MALT1: variants seen among roughly 807,000 people sequenced by gnomAD.
MALT1 encodes mucosa-associated lymphoid tissue lymphoma translocation protein 1.
MALT1 carries 36 observed loss-of-function variants against 85.5 expected under a neutral mutation model. That is an observed-to-expected ratio of 0.42 (90% confidence interval 0.32 to 0.56). MALT1 has a LOEUF of 0.56. Among genes scored for constraint, MALT1 ranks in the 20% least tolerant of loss-of-function variants. MALT1 has a pLI of 0.10. For synonymous variants in MALT1, 359 were observed against 361.3 expected, an observed-to-expected ratio of 0.99 and a Z score of 0.07; for missense variants, 716 against 981.6, an observed-to-expected ratio of 0.73 and a Z score of 3.62.
At chr18:58,694,261 T>C (rs1234597062) in intron 2 of MALT1, among the ~76,000 whole-genome samples, 1 of 152,226 alleles carries the variant, frequency 6.6e-6, no homozygotes, top group African/African-American at 2.4e-5. Flanking sequence ...AGGTATACAA[T>C]AAATATTTAC....
In MALT1 at chr18:58,751,832, A is replaced by G. The variant is rs1043456494; in HGVS notation, c.*3990A>G. 1.3e-5 allele frequency: 2 copies of G among 152,254 alleles called. No homozygotes were observed. Among genetic ancestry groups the G allele is most frequent in the African/African-American group, 4.8e-5 (2 of 41,466 alleles). The allele number at this position is 152,254 out of a possible 1,614,324, so 9.4% of individuals were successfully genotyped here. A position where few individuals can be genotyped will look rare whatever the true frequency, so the allele number is the denominator to read the frequency against. ...ATTTTTAAAAATTAAAGTCACAATT[A>G]TAAATTGTATATTTCCTAATAAAAG... On this transcript the variant is annotated 3_prime_UTR_variant, in exon 17 of 17. Coordinates refer to ENST00000649217, the MANE Select transcript of MALT1 (RefSeq NM_006785.4).
Position 58,739,434 on chromosome 18 carries a change from T to C in MALT1, c.1604-2431T>C, listed in dbSNP as rs186764416. On this transcript the variant is annotated intron_variant, in intron 13 of 16. Transcript: ENST00000649217. ...ATGAGATGGAGGACAACCAAGATGG[T>C]TGATTTTATGTCAACTTTTGCCAGG... Among the ~76,000 whole-genome samples, 339 of 152,246 alleles carry C rather than the reference T, an allele frequency of 2.2e-3. 3 individuals carry two copies. Among genetic ancestry groups the C allele is most frequent in the Non-Finnish European group, 1.5e-3 (105 of 68,014 alleles).
intron 15 of MALT1, among the ~76,000 whole-genome samples, chr18:58,744,831 G>A (rs1287538802): frequency 6.6e-6 from 1 of 152,140 alleles, no homozygotes; most frequent in Non-Finnish European, 1.5e-5. Flanking sequence ...GGAAACAGTA[G>A]TTTTTAAGTC....
intron 14 of MALT1, 62 bp downstream of exon 14, chr18:58,742,076 C>A: frequency 7.7e-7 from 1 of 1,300,236 alleles, no homozygotes; most frequent in Non-Finnish European, 1.0e-6. Flanking sequence ...CATAAAGTTT[C>A]TTCTGAATAA....
chr18:58,701,899 C>T (rs1044338018), intron 4 of MALT1, among the ~76,000 whole-genome samples: 1 of 152,188 alleles, frequency 6.6e-6, no homozygotes, highest in African/African-American at 2.4e-5. Context: ...CAATAGCACT[C>T]AGTAGATGTT....
chr18:58,752,291 T>C lies in MALT1; in HGVS notation c.*4449T>C, dbSNP rs2055456637. The stretch of plus-strand genomic sequence containing the variant: ...ATATCTAGATAAAATCTGATGTATG[T>C]AATTTTACTTTTAAGGGTTTTTTTC... On this transcript the variant is annotated 3_prime_UTR_variant, in exon 17 of 17. Transcript: ENST00000649217. 1 of 152,216 alleles carries C rather than the reference T, an allele frequency of 6.6e-6. No homozygotes were observed. Among genetic ancestry groups the C allele is most frequent in the South Asian group, 2.1e-4 (1 of 4,834 alleles). 9.4% of individuals were successfully genotyped at this position (152,216 alleles called of 1,614,324 possible).
At chr18:58,683,975 A>G (rs957563665) in intron 2 of MALT1, among the ~76,000 whole-genome samples, 4 of 152,218 alleles carry the variant, frequency 2.6e-5, no homozygotes, top group Non-Finnish European at 5.9e-5. Flanking sequence ...TCTGTCTCCC[A>G]GGCTGGAATG....
chr18:58,684,918 C>T (rs577625045), intron 2 of MALT1, among the ~76,000 whole-genome samples: 1 of 152,256 alleles, frequency 6.6e-6, no homozygotes, highest in South Asian at 2.1e-4. Flanking sequence ...ATAAAGTTTA[C>T]TGTATTGCAA....
chr18:58,729,425 G>A (rs1490685745), intron 10 of MALT1, among the ~76,000 whole-genome samples: 2 of 150,706 alleles, frequency 1.3e-5, no homozygotes, highest in African/African-American at 2.5e-5. Flanking sequence ...GGAGGCGGAG[G>A]TTGCAGTGAG....
At chr18:58,682,563 C>CA (rs2054338282) in intron 2 of MALT1, among the ~76,000 whole-genome samples, 1 of 152,206 alleles carries the variant, frequency 6.6e-6, no homozygotes, top group Non-Finnish European at 1.5e-5. Context: ...CCAGAGGGTT[C>CA]ATCTAGTTAA....
chr18:58,748,578 CTAGA>C lies in MALT1; in HGVS notation c.*741_*744del. 2 of 188,268 alleles carry C rather than the reference CTAGA, an allele frequency of 1.1e-5. No homozygotes were observed. Among genetic ancestry groups the C allele is most frequent in the Non-Finnish European group, 2.2e-5 (2 of 89,036 alleles). 11.7% of individuals were successfully genotyped at this position (188,268 alleles called of 1,614,324 possible). On this transcript the variant is annotated 3_prime_UTR_variant, in exon 17 of 17. Transcript: ENST00000649217. ...AGAAGTGATAAAATGTTTGTTAAAG[CTAGA>C]TAGAGGTTAAGAATCAAGATATAAT...
intron 10 of MALT1, among the ~76,000 whole-genome samples, chr18:58,731,253 G>C (rs1037649468): frequency 6.6e-6 from 1 of 151,946 alleles, no homozygotes; most frequent in African/African-American, 2.4e-5. Context: ...GCGCCTGGCC[G>C]TCATTAGTCT....
chr18:58,754,437 T>A lies in MALT1; in HGVS notation c.*6595T>A, dbSNP rs1387097012. 5 of 152,222 alleles carry A rather than the reference T, an allele frequency of 3.3e-5. No homozygotes were observed. The highest frequency in any genetic ancestry group is 7.3e-5 in the Non-Finnish European group (5 of 68,046). The allele number at this position is 152,222 out of a possible 1,614,324, so 9.4% of individuals were successfully genotyped here. ...GCAGGCTGTTCTGCTAGGGAAATTG[T>A]TAATATTTTAAAAATATTTTCCTAA... On this transcript the variant is annotated 3_prime_UTR_variant, in exon 17 of 17. Transcript: ENST00000649217.
At chr18:58,746,661 C>T (rs1004598811) in intron 16 of MALT1, among the ~76,000 whole-genome samples, 4 of 152,126 alleles carry the variant, frequency 2.6e-5, no homozygotes, top group East Asian at 1.9e-4. Context: ...TTTCCACCTA[C>T]GATTATGGAT....
intron 3 of MALT1, among the ~76,000 whole-genome samples, chr18:58,698,492 A>C (rs931533980): frequency 2.0e-5 from 3 of 152,172 alleles, no homozygotes; most frequent in East Asian, 1.9e-4. Flanking sequence ...GGTGGATCAC[A>C]GTGCATAATT....
intron 7 of MALT1, among the ~76,000 whole-genome samples, chr18:58,713,673 T>C (rs930258363): frequency 5.9e-5 from 9 of 152,320 alleles, no homozygotes; most frequent in African/African-American, 2.2e-4. Flanking sequence ...ATGTTAATAA[T>C]AGAGAAATTA....
chr18:58,699,820 C>A (rs1032643690), intron 3 of MALT1, among the ~76,000 whole-genome samples: 2 of 152,180 alleles, frequency 1.3e-5, no homozygotes, highest in Non-Finnish European at 2.9e-5. Context: ...ATAAAAGAAA[C>A]CTTACTATTG....
chr18:58,733,641 C>A, intron 11 of MALT1, 67 bp downstream of exon 11: 2 of 1,245,644 alleles, frequency 1.6e-6, no homozygotes, highest in Middle Eastern at 2.6e-4. Context: ...ACTAGAGAAA[C>A]CTGTGAAATG....
chr18:58,677,347 T>C (rs2054256685), intron 1 of MALT1, among the ~76,000 whole-genome samples: 1 of 152,190 alleles, frequency 6.6e-6, no homozygotes, highest in Non-Finnish European at 1.5e-5. Flanking sequence ...AATTAAAGCA[T>C]CACTTGGTTG....
Sources: gnomAD v4.1 joint callset for allele counts (sites outside exome capture counted in the v4.1 genomes callset) on GRCh38, gnomAD v4.1.1 for gene constraint, MANE v1.5 for transcripts, NCBI Gene and HGNC (gene_info 2026-07-23, HGNC 2026-07-21) for gene names.